GALNT15: variants seen among roughly 807,000 people sequenced by gnomAD.
GALNT15 encodes the protein UDP-GalNAc transferase T15.
In GALNT15, 67 loss-of-function variants were observed where a neutral mutation model predicts 66.8. The observed-to-expected ratio is 1.00, with a 90% CI of 0.82 to 1.23. The LOEUF is 1.23. Ranked by LOEUF, GALNT15 falls within the 50% of genes most tolerant of loss-of-function variation. GALNT15 has a pLI of 0.00. For synonymous variants in GALNT15, 313 were observed against 311.5 expected (o/e 1.00, Z -0.05); for missense variants, 827 against 804.3 (o/e 1.03, Z -0.34).
Position 16,188,601 on chromosome 3 carries a change from G to T in GALNT15, c.540-7159G>T, listed in dbSNP as rs565634495. Among the ~76,000 whole-genome samples the T allele has an allele frequency of 1.3e-5, 2 of 152,142 alleles. No individual in the cohort carries two copies. The highest frequency in any genetic ancestry group is 4.8e-5 in the African/African-American group (2 of 41,426). On this transcript the variant is annotated intron_variant, in intron 1 of 9. Coordinates refer to ENST00000339732, the MANE Select transcript of GALNT15 (RefSeq NM_054110.5). The surrounding 1 kb of genome is among the most constrained non-coding windows in gnomAD (Gnocchi z 4.6). ...TGCTCCCTTCAAACCTGAACAAAGG[G>T]GTTGGAGCACTAGGAGGGGATGGTG...
At chr3:16,205,795 A>G (rs1021934815) in intron 3 of GALNT15, among the ~76,000 whole-genome samples, 6 of 152,194 alleles carry the variant, frequency 3.9e-5, no homozygotes, top group African/African-American at 1.4e-4. Context: ...ATAAAGACCA[A>G]AATAGAAAAC....
rs576203547 is a variant in GALNT15, at chr3:16,212,063, G to A, written c.1198-506G>A. ...TCTTCCTGCCGAATGAACTCCAGCCGTTTGGGAGTGGGAGAGCAGAGGGAA... is the reference window on the plus strand; with the variant it reads ...TCTTCCTGCCGAATGAACTCCAGCCATTTGGGAGTGGGAGAGCAGAGGGAA... On this transcript the variant is annotated intron_variant, in intron 5 of 9. Transcript: ENST00000339732. 3.4e-3 allele frequency among the ~76,000 whole-genome samples: 521 copies of A among 152,236 alleles called. 2 individuals carry two copies. Among genetic ancestry groups the A allele is most frequent in the Middle Eastern group, 3.4e-3 (1 of 294 alleles).
chr3:16,183,183 G>A lies in GALNT15; in HGVS notation c.539+7493G>A, dbSNP rs929216729. On this transcript the variant is annotated intron_variant, in intron 1 of 9. Coordinates refer to ENST00000339732, the MANE Select transcript of GALNT15 (RefSeq NM_054110.5). This position sits in a 1 kb window ranked among gnomAD's most constrained non-coding sequence, Gnocchi z 5.2. ...TGAGAGTTTGGAGAACCTGCACAAA[G>A]AGAAGGGGATGGCATGTACCTTGTG... 2 of 152,342 alleles carry A rather than the reference G, an allele frequency of 1.3e-5. No individual in the cohort carries two copies. The highest frequency in any genetic ancestry group is 2.4e-5 in the African/African-American group (1 of 41,476). 9.4% of individuals were successfully genotyped at this position (152,342 alleles called of 1,614,324 possible). A position where few individuals can be genotyped will look rare whatever the true frequency, so the allele number is the denominator to read the frequency against.
At chr3:16,220,402 G>A (rs943267132) in intron 8 of GALNT15, among the ~76,000 whole-genome samples, 3 of 152,226 alleles carry the variant, frequency 2.0e-5, no homozygotes, top group Admixed American at 1.3e-4. Context: ...ATCAAATCAG[G>A]ATAAGGATCT....
At position 16,224,676 on chromosome 3, in the gene GALNT15, G is replaced by A. The variant is rs2124905701; in HGVS notation, c.1773+1918G>A. Among the ~76,000 whole-genome samples the A allele has an allele frequency of 7.2e-6, 1 of 139,312 alleles. No individual in the cohort carries two copies. The allele number at this position is 139,312 out of a possible 152,430, so 91.4% of individuals were successfully genotyped here. On this transcript the variant is annotated intron_variant, in intron 9 of 9. Coordinates refer to ENST00000339732, the MANE Select transcript of GALNT15 (RefSeq NM_054110.5). This position sits in a 1 kb window ranked among gnomAD's most constrained non-coding sequence, Gnocchi z 5.2. ...TTAAAGAGGGAGTTTCGCTCTTGTTGCCCAGGCTAGAGTTCAATGGCAGGA... is the reference window on the plus strand; with the variant it reads ...TTAAAGAGGGAGTTTCGCTCTTGTTACCCAGGCTAGAGTTCAATGGCAGGA...
At position 16,175,736 on chromosome 3, in the gene GALNT15, C is replaced by T. The variant is rs1016163859; in HGVS notation, c.539+46C>T. 18 of 1,492,050 alleles carry T rather than the reference C, an allele frequency of 1.2e-5. No individual in the cohort carries two copies. The highest frequency in any genetic ancestry group is 9.8e-5 in the African/African-American group (7 of 71,248). The allele number at this position is 1,492,050 out of a possible 1,614,324, so 92.4% of individuals were successfully genotyped here. On this transcript the variant is annotated intron_variant, in intron 1 of 9. Coordinates refer to ENST00000339732, the MANE Select transcript of GALNT15 (RefSeq NM_054110.5). The surrounding 1 kb of genome is among the most constrained non-coding windows in gnomAD (Gnocchi z 5.6). ...CCCTTCCCTGATCCCAGGGCATGAT[C>T]GGGTGGTAGCAAACTCGGGAATGCA...
chr3:16,247,255 A>C, the GALNT15 span, among the ~76,000 whole-genome samples: 102,994 of 152,012 alleles, frequency 0.68, 35,478 homozygotes, highest in African/African-American at 0.79. Context: ...GAAAAGCAGC[A>C]ATTTAGACTG....
the GALNT15 span, among the ~76,000 whole-genome samples, chr3:16,239,503 C>A: frequency 6.6e-6 from 1 of 152,140 alleles, no homozygotes. This position sits in a 1 kb window ranked among gnomAD's most constrained non-coding sequence, Gnocchi z 5.2. Flanking sequence ...CAGCTCCTGC[C>A]CTCTGCCCAA....
intron 1 of GALNT15, among the ~76,000 whole-genome samples, chr3:16,177,512 G>A (rs2063422547): frequency 6.6e-6 from 1 of 152,238 alleles, no homozygotes; most frequent in Non-Finnish European, 1.5e-5. Context: ...AGTACATGCA[G>A]GTACTGCGTT....
At chr3:16,223,205 A>G (rs1227472768) in intron 9 of GALNT15, among the ~76,000 whole-genome samples, 1 of 152,138 alleles carries the variant, frequency 6.6e-6, no homozygotes, top group Non-Finnish European at 1.5e-5. Flanking sequence ...CTTCCTTTCA[A>G]TGCAAATTGC....
the GALNT15 span, among the ~76,000 whole-genome samples, chr3:16,239,302 G>A: frequency 3.3e-5 from 5 of 152,158 alleles, no homozygotes; most frequent in African/African-American, 1.2e-4. This position sits in a 1 kb window ranked among gnomAD's most constrained non-coding sequence, Gnocchi z 5.2. Flanking sequence ...ACCTCACAAA[G>A]GTTCTGCAAA....
intron 3 of GALNT15, among the ~76,000 whole-genome samples, chr3:16,201,752 C>T (rs1299231987): frequency 1.3e-5 from 2 of 152,164 alleles, no homozygotes; most frequent in Non-Finnish European, 2.9e-5. Flanking sequence ...GCTCTCCTTC[C>T]CCCATCTGAC....
At chr3:16,199,781 G>A (rs1411262644) in intron 2 of GALNT15, among the ~76,000 whole-genome samples, 1 of 152,142 alleles carries the variant, frequency 6.6e-6, no homozygotes, top group Non-Finnish European at 1.5e-5. Flanking sequence ...CTGGGGCTGG[G>A]GGCAGCATCC....
At position 16,227,251 on chromosome 3, in the gene GALNT15, T is replaced by G; in HGVS notation, c.1774-103T>G. On this transcript the variant is annotated intron_variant, in intron 9 of 9. Transcript: ENST00000339732. This position sits in a 1 kb window ranked among gnomAD's most constrained non-coding sequence, Gnocchi z 4.5. Reference sequence around the variant, plus strand: ...TTCCTTTCCAGGCCAGTTCACACCATCTGTTATTCTCTTAATGATTAGCAC... The same window carrying G: ...TTCCTTTCCAGGCCAGTTCACACCAGCTGTTATTCTCTTAATGATTAGCAC... The G allele has an allele frequency of 8.4e-7, 1 of 1,196,796 alleles. No individual in the cohort carries two copies. Among genetic ancestry groups the G allele is most frequent in the Non-Finnish European group, 1.2e-6 (1 of 854,050 alleles). The allele number at this position is 1,196,796 out of a possible 1,614,324, so 74.1% of individuals were successfully genotyped here.
chr3:16,194,050 C>G (rs2063607181), intron 1 of GALNT15, among the ~76,000 whole-genome samples: 1 of 152,180 alleles, frequency 6.6e-6, no homozygotes, highest in African/African-American at 2.4e-5. Context: ...TGCTATCCAG[C>G]CATAAGCCAG....
At chr3:16,237,253 G>A in the GALNT15 span, among the ~76,000 whole-genome samples, 61 of 152,164 alleles carry the variant, frequency 4.0e-4, no homozygotes, top group Non-Finnish European at 7.5e-4. The surrounding 1 kb of genome is among the most constrained non-coding windows in gnomAD (Gnocchi z 4.2). Flanking sequence ...GCTATACCAG[G>A]CCAACAAACC....
downstream of GALNT15, among the ~76,000 whole-genome samples, chr3:16,232,473 T>TAAATAAATAAATAAATAA (rs1559698324): frequency 1.1e-4 from 5 of 43,958 alleles, no homozygotes; most frequent in African/African-American, 3.4e-4. Context: ...TAAATAAATA[T>TAAATAAATAAATAAATAA]ATATATATAT....
intron 8 of GALNT15, among the ~76,000 whole-genome samples, chr3:16,221,488 A>G (rs2063942339): frequency 1.3e-5 from 2 of 152,210 alleles, no homozygotes; most frequent in South Asian, 4.1e-4. Flanking sequence ...AAGCTGCCCT[A>G]CCAAGTGTGA....
Position 16,228,727 on chromosome 3 carries a change from A to C in GALNT15, c.*1227A>C, listed in dbSNP as rs1559696896. The C allele has an allele frequency of 1.0e-6, 1 of 985,336 alleles. No individual in the cohort carries two copies. The highest frequency in any genetic ancestry group is 1.2e-6 in the Non-Finnish European group (1 of 829,956). 61.0% of individuals were successfully genotyped at this position (985,336 alleles called of 1,614,324 possible). ...AGCAGAAACAGCAACCTTTCTAAAA[A>C]AGCAAACCTTTTTCCTGGGAGGAAA... On this transcript the variant is annotated 3_prime_UTR_variant, in exon 10 of 10. Coordinates refer to ENST00000339732, the MANE Select transcript of GALNT15 (RefSeq NM_054110.5).
Sources: gnomAD v4.1 joint callset for allele counts (sites outside exome capture counted in the v4.1 genomes callset) on GRCh38, gnomAD v4.1.1 for gene constraint, Gnocchi (gnomAD v3.1) non-coding constraint, MANE v1.5 for transcripts, NCBI Gene and HGNC (gene_info 2026-07-23, HGNC 2026-07-21) for gene names.